The following DST variants were observed in gnomAD, a reference collection of about 807,000 sequenced individuals.
DST encodes bullous pemphigoid antigen.
DST carries 253 observed loss-of-function variants against 875.2 expected under a neutral mutation model. The observed-to-expected ratio is 0.29, with a 90% CI of 0.26 to 0.32. The LOEUF is 0.32. Among genes scored for constraint, DST ranks in the 10% least tolerant of loss-of-function variants. The pLI, the probability that DST is intolerant of heterozygous loss-of-function variation, is 1.00. For missense variants in DST, 8,287 were observed against 9,111.6 expected, an observed-to-expected ratio of 0.91 and a Z score of 3.68; for synonymous variants, 3,124 against 3,197.1, an observed-to-expected ratio of 0.98 and a Z score of 0.77.
chr6:56,620,133 G>A (rs1260331264), intron 36 of DST: 1 of 1,613,546 alleles, frequency 6.2e-7, no homozygotes, highest in South Asian at 1.1e-5. Flanking sequence ...ACCTGTTTCT[G>A]AAATGCAAGG....
intron 37 of DST, among the ~76,000 whole-genome samples, 152 bp from the exon 38 acceptor site, chr6:56,611,748 A>G (rs1446539997): frequency 6.6e-6 from 1 of 152,222 alleles, no homozygotes; most frequent in Non-Finnish European, 1.5e-5. Flanking sequence ...TTAGCAGTCT[A>G]TAGAGCTAGA....
intron 88 of DST, among the ~76,000 whole-genome samples, chr6:56,483,280 A>T (rs978644781): frequency 2.6e-5 from 4 of 152,136 alleles, no homozygotes; most frequent in African/African-American, 4.8e-5. Flanking sequence ...TGTCAAGTGG[A>T]TGCTGGCTTT....
chr6:56,693,288 A>G, intron 9 of DST: 1 of 1,177,316 alleles, frequency 8.5e-7, no homozygotes, highest in South Asian at 1.7e-5. Flanking sequence ...CTTCAGTCTG[A>G]GGCCATTTTG....
chr6:56,508,399 T>A, intron 75 of DST, 130 bp downstream of exon 75: 1 of 735,102 alleles, frequency 1.4e-6, no homozygotes, highest in Non-Finnish European at 2.3e-6. Context: ...TCCTACTGTA[T>A]CACTGCACAT....
Position 56,553,443 on chromosome 6 carries a change from T to C in DST, c.15349A>G (p.Thr5117Ala), listed in dbSNP as rs2097351884. The C allele has an allele frequency of 2.5e-6, 4 of 1,604,908 alleles. No individual in the cohort carries two copies. Among genetic ancestry groups the C allele is most frequent in the Non-Finnish European group, 3.4e-6 (4 of 1,176,830 alleles). ...AACAGATTTTCACCTTCTGCAATGG[T>C]TTTTTCATACATATGAGACTGAGCG... is the stretch of plus-strand genomic sequence containing the variant. ...LTAQSHMYEK[T>A]IAEGENLLLK... The change falls in exon 61 of 104, where the codon ACC (threonine) becomes GCC (alanine). Residue 5117 changes from threonine (T) to alanine (A), a missense_variant. Thr to Ala is a moderately conservative substitution (Grantham distance 58, BLOSUM62 0). This residue lies in a region of DST where 1,513 missense variants were observed against 1,677.8 expected (regional missense o/e 0.90). Coordinates refer to ENST00000680361, the MANE Select transcript of DST (RefSeq NM_001374736.1).
Position 56,608,438 on chromosome 6 carries a change from C to T in DST, c.6190G>A (p.Glu2064Lys). The stretch of plus-strand genomic sequence containing the variant: ...AGTCCAACATAGCCTCGCTGAGCTT[C>T]CAGGACCAGAAGAGCACTGCTGGAA... ...ITSSSALLVL[E>K]AQRGYVGLIW... The change falls in exon 40 of 104, where the codon GAA (glutamate) becomes AAA (lysine). Residue 2064 changes from glutamate (E) to lysine (K), a missense_variant. Coordinates refer to ENST00000680361, the MANE Select transcript of DST (RefSeq NM_001374736.1). 1 of 1,613,716 alleles carries T rather than the reference C, an allele frequency of 6.2e-7. No homozygotes were observed.
chr6:56,666,708 T>A (rs1358002502), intron 10 of DST, among the ~76,000 whole-genome samples: 1 of 150,370 alleles, frequency 6.7e-6, no homozygotes, highest in African/African-American at 2.4e-5. Flanking sequence ...AATTATCAAG[T>A]AAAAACAATT....
chr6:56,616,548 G>A (rs774245053), intron 36 of DST: 2 of 1,614,168 alleles, frequency 1.2e-6, no homozygotes, highest in Non-Finnish European at 1.7e-6. Flanking sequence ...CACATTCGCA[G>A]TAATTCTGAG....
At chr6:56,722,196 T>C (rs2099419515) in intron 5 of DST, among the ~76,000 whole-genome samples, 1 of 152,158 alleles carries the variant, frequency 6.6e-6, no homozygotes, top group Non-Finnish European at 1.5e-5. Flanking sequence ...TTGGTTAGAA[T>C]GCAAATACAC....
intron 80 of DST, among the ~76,000 whole-genome samples, chr6:56,499,600 T>C (rs1324933349): frequency 2.0e-5 from 3 of 152,108 alleles, no homozygotes; most frequent in South Asian, 2.1e-4. Flanking sequence ...GGGAATTTTA[T>C]GTCCTCTAAT....
intron 3 of DST, among the ~76,000 whole-genome samples, chr6:56,852,223 G>A (rs1765627798): frequency 1.3e-5 from 2 of 152,218 alleles, no homozygotes; most frequent in African/African-American, 4.8e-5. Flanking sequence ...ATTCTGAGAA[G>A]AGCCTTTTCT....
intron 3 of DST, among the ~76,000 whole-genome samples, chr6:56,878,066 T>C (rs1368584198): frequency 6.6e-6 from 1 of 151,952 alleles, no homozygotes; most frequent in African/African-American, 2.4e-5. Context: ...TTCCCACAAA[T>C]GTACGCAATG....
At chr6:56,736,458 A>G (rs1251097235) in intron 4 of DST, among the ~76,000 whole-genome samples, 1 of 152,204 alleles carries the variant, frequency 6.6e-6, no homozygotes, top group African/African-American at 2.4e-5. Flanking sequence ...CTACTTCTAG[A>G]CAGCAATTCC....
rs567675313 is a variant in DST at position 56,781,599 on chromosome 6, T to C, written c.626-46310A>G. Reference sequence around the variant, plus strand: ...TATCCTGAGACTTTGCTGAAGTTGCTTATCAGCTTAAGGAGATTTTAGGCT... The same window carrying C: ...TATCCTGAGACTTTGCTGAAGTTGCCTATCAGCTTAAGGAGATTTTAGGCT... On this transcript the variant is annotated intron_variant, in intron 4 of 103. Coordinates refer to ENST00000680361, the MANE Select transcript of DST (RefSeq NM_001374736.1). 3.3e-5 allele frequency among the ~76,000 whole-genome samples: 5 copies of C among 152,344 alleles called. No individual in the cohort carries two copies. In the South Asian group the frequency reaches 6.2e-4, roughly 19 times the overall value.
intron 50 of DST, among the ~76,000 whole-genome samples, chr6:56,574,834 T>G (rs1477478439): frequency 6.6e-6 from 1 of 152,200 alleles, no homozygotes; most frequent in Non-Finnish European, 1.5e-5. Context: ...AAAAATATTT[T>G]AATTATTTCT....
intron 9 of DST, among the ~76,000 whole-genome samples, chr6:56,678,126 C>T (rs1203732620): frequency 1.3e-5 from 2 of 152,186 alleles, no homozygotes; most frequent in Non-Finnish European, 2.9e-5. Flanking sequence ...CTCCTCCTTC[C>T]TCTCCTTAAA....
chr6:56,761,460 G>A (rs571986788), intron 4 of DST, among the ~76,000 whole-genome samples: 17 of 152,340 alleles, frequency 1.1e-4, no homozygotes, highest in Middle Eastern at 6.8e-3. Flanking sequence ...TTATGTTGGT[G>A]CAAAAGTAAT....
intron 3 of DST, among the ~76,000 whole-genome samples, chr6:56,890,739 G>C (rs1337264075): frequency 1.3e-5 from 2 of 152,192 alleles, no homozygotes; most frequent in African/African-American, 2.4e-5. Flanking sequence ...AGGATGGTCT[G>C]ACTGAAAGTA....
chr6:56,764,787 A>G (rs939528237), intron 4 of DST, among the ~76,000 whole-genome samples: 4 of 152,086 alleles, frequency 2.6e-5, no homozygotes, highest in Non-Finnish European at 5.9e-5. Flanking sequence ...GTGAAACACC[A>G]TCTCTACAAA....
Sources: allele counts gnomAD v4.1 joint callset (sites outside exome capture counted in the v4.1 genomes callset), GRCh38; gene constraint gnomAD v4.1.1; regional missense constraint gnomAD v4.1.1; transcripts MANE v1.5; gene names NCBI Gene and HGNC (gene_info 2026-07-23, HGNC 2026-07-21).